ZNF536: variants seen among roughly 807,000 people sequenced by gnomAD.
The protein encoded by ZNF536 is zinc finger protein 536.
A neutral mutation model predicts 84.5 loss-of-function variants in ZNF536; 13 were observed. That is an observed-to-expected ratio of 0.15 (90% CI 0.10 to 0.24). The LOEUF (loss-of-function observed/expected upper bound fraction) is 0.24, where lower values mean the gene tolerates loss of function less well. Ranked by LOEUF, ZNF536 falls within the 10% of genes least tolerant of loss-of-function variation. The pLI is 1.00. For missense variants in ZNF536, 1,536 were observed against 1,747.5 expected (o/e 0.88, Z 2.16); for synonymous variants, 811 against 742.5 (o/e 1.09, Z -1.50).
intron 1 of ZNF536, among the ~76,000 whole-genome samples, chr19:30,615,822 GC>G (rs1269916418): frequency 1.3e-5 from 2 of 151,858 alleles, no homozygotes; most frequent in Admixed American, 1.3e-4. Context: ...TCCTTATTTA[GC>G]CCCTAAATTC....
rs142072036 is a variant in ZNF536, at chr19:30,512,079, T to C, written c.2171-22768T>C. Among the ~76,000 whole-genome samples, 749 of 152,356 alleles carry C rather than the reference T, an allele frequency of 4.9e-3. 5 individuals carry two copies. Among genetic ancestry groups the C allele is most frequent in the African/African-American group, 0.017 (703 of 41,586 alleles). On this transcript the variant is annotated intron_variant, in intron 2 of 4. Coordinates refer to ENST00000355537, the MANE Select transcript of ZNF536 (RefSeq NM_014717.3). ...GCTTTTATGGATATACAGACTTTTA[T>C]TTTAAACTTAAAATGATGAAAAGTT...
intron 3 of ZNF536, among the ~76,000 whole-genome samples, chr19:30,359,818 C>T (rs558752690): frequency 6.6e-6 from 1 of 152,258 alleles, no homozygotes; most frequent in South Asian, 2.1e-4. Context: ...AGGTCCTGAT[C>T]CTTCACCATG....
intron 1 of ZNF536, among the ~76,000 whole-genome samples, chr19:30,698,291 CA>C (rs765488693): frequency 0.13 from 15,731 of 121,174 alleles, 831 homozygotes; most frequent in Admixed American, 0.14. Flanking sequence ...GACTCAGTCT[CA>C]AAAAAAAAAA....
intron 1 of ZNF536, among the ~76,000 whole-genome samples, chr19:30,616,759 A>C (rs1012133154): frequency 6.6e-6 from 1 of 152,210 alleles, no homozygotes; most frequent in Non-Finnish European, 1.5e-5. Context: ...TGATAAAATT[A>C]ACCTGTGAAA....
chr19:30,570,358 C>T (rs549093955), intron 1 of ZNF536, among the ~76,000 whole-genome samples: 2 of 152,278 alleles, frequency 1.3e-5, no homozygotes, highest in East Asian at 3.9e-4. Flanking sequence ...GCACGTTCCT[C>T]CCAACTCAAA....
At chr19:30,464,355 C>T (rs1047345251) in intron 2 of ZNF536, among the ~76,000 whole-genome samples, 52 of 152,144 alleles carry the variant, frequency 3.4e-4, no homozygotes, top group African/African-American at 8.5e-4. Context: ...GGGGACCAGA[C>T]GGCGCTGGGC....
rs1156973773 is a variant in ZNF536, at chr19:30,445,286, A to G, written c.1724A>G (p.Lys575Arg). ...GTGTTAGTGGGAGCAGATGGCTCCA[A>G]GCAGAAAATGCCTGCTGATTTGGTT... ...EYVLVGADGS[K>R]QKMPADLVHS... Residue 575 changes from lysine (K) to arginine (R), a missense_variant, in exon 2 of 5, where the codon AAG (lysine) becomes AGG (arginine). Physicochemically the swap from Lys to Arg is conservative, Grantham distance 26. Transcript: ENST00000355537. The surrounding 1 kb of genome is among the most constrained non-coding windows in gnomAD (Gnocchi z 4.5). 3 of 1,614,206 alleles carry G rather than the reference A, an allele frequency of 1.9e-6. No homozygotes were observed. The highest frequency in any genetic ancestry group is 1.7e-5 in the Admixed American group (1 of 60,026).
rs373270633 is a variant in ZNF536 at position 30,445,869 on chromosome 19, G to A, written c.2170+137G>A. Reference sequence around the variant, plus strand: ...AGGACAGGGGTGGGTTGGACACTGGGCCATGCCTTTCTTTCCCCCCCTGAC... The same window carrying A: ...AGGACAGGGGTGGGTTGGACACTGGACCATGCCTTTCTTTCCCCCCCTGAC... On this transcript the variant is annotated intron_variant, in intron 2 of 4. Transcript: ENST00000355537. This position sits in a 1 kb window ranked among gnomAD's most constrained non-coding sequence, Gnocchi z 4.5. 1.6e-6 allele frequency: 2 copies of A among 1,226,822 alleles called. No homozygotes were observed. The highest frequency in any genetic ancestry group is 1.5e-5 in the African/African-American group (1 of 65,536). The allele number at this position is 1,226,822 out of a possible 1,614,324, so 76.0% of individuals were successfully genotyped here. A position where few individuals can be genotyped will look rare whatever the true frequency, so the allele number is the denominator to read the frequency against.
chr19:30,316,703 C>T (rs766705259), intron 2 of ZNF536, among the ~76,000 whole-genome samples: 1 of 152,166 alleles, frequency 6.6e-6, no homozygotes, highest in African/African-American at 2.4e-5. Context: ...CTTTGCTCTT[C>T]ATTCCATGGG....
At chr19:30,678,841 C>G (rs986752663) in intron 1 of ZNF536, among the ~76,000 whole-genome samples, 4 of 150,696 alleles carry the variant, frequency 2.7e-5, no homozygotes, top group Admixed American at 2.0e-4. Context: ...ATTAAGGAGG[C>G]TGAGACAGAA....
At chr19:30,667,320 C>G (rs2050363962) in intron 1 of ZNF536, among the ~76,000 whole-genome samples, 1 of 152,184 alleles carries the variant, frequency 6.6e-6, no homozygotes, top group Non-Finnish European at 1.5e-5. Context: ...ACAGGGGTGA[C>G]TTGCACACAG....
At chr19:30,509,418 T>C (rs1014029236) in intron 2 of ZNF536, among the ~76,000 whole-genome samples, 82 of 138,562 alleles carry the variant, frequency 5.9e-4, no homozygotes, top group African/African-American at 1.4e-3. Flanking sequence ...ATGTATAACA[T>C]ATTATAATAT....
intron 1 of ZNF536, among the ~76,000 whole-genome samples, chr19:30,572,737 G>A (rs2046595201): frequency 6.6e-6 from 1 of 152,182 alleles, no homozygotes; most frequent in Non-Finnish European, 1.5e-5. Context: ...GTGATATGAA[G>A]ATGCTGAGGC....
intron 1 of ZNF536, among the ~76,000 whole-genome samples, chr19:30,667,190 C>T (rs1303513109): frequency 6.6e-6 from 1 of 152,142 alleles, no homozygotes; most frequent in Non-Finnish European, 1.5e-5. Flanking sequence ...GTAGACCTCC[C>T]GAGCACCAGG....
chr19:30,565,919 A>C (rs2046331880), intron 1 of ZNF536, among the ~76,000 whole-genome samples: 1 of 152,118 alleles, frequency 6.6e-6, no homozygotes, highest in Admixed American at 6.5e-5. Context: ...AGCCCATCTC[A>C]CAGATGACAG....
rs755632176 is a variant in ZNF536 at position 30,445,100 on chromosome 19, C to A, written c.1538C>A (p.Ala513Glu). 4.3e-6 allele frequency: 7 copies of A among 1,613,668 alleles called. No homozygotes were observed. Among genetic ancestry groups the A allele is most frequent in the Non-Finnish European group, 5.9e-6 (7 of 1,180,042 alleles). ...IERLQAAAKAAEMDPVNSYQA... is the reference protein window; with the variant it reads ...IERLQAAAKAEEMDPVNSYQA... The stretch of plus-strand genomic sequence containing the variant: ...CGGCTGCAGGCGGCTGCCAAGGCTG[C>A]GGAGATGGACCCCGTGAACAGCTAC... Residue 513 changes from alanine to glutamate, a missense_variant, in exon 2 of 5, where the codon GCG becomes GAG. Transcript: ENST00000355537. This position sits in a 1 kb window ranked among gnomAD's most constrained non-coding sequence, Gnocchi z 4.5.
At chr19:30,584,490 A>T (rs1040909231) in intron 1 of ZNF536, among the ~76,000 whole-genome samples, 3 of 152,172 alleles carry the variant, frequency 2.0e-5, no homozygotes, top group Non-Finnish European at 2.9e-5. Flanking sequence ...ATTAAATAAA[A>T]GTGTGTGACT....
chr19:30,624,532 T>A (rs906013388), intron 1 of ZNF536, among the ~76,000 whole-genome samples: 3 of 152,204 alleles, frequency 2.0e-5, no homozygotes, highest in African/African-American at 7.2e-5. Context: ...ACCTATATAA[T>A]GGGCCATCTT....
chr19:30,600,042 GT>G (rs60592659), intron 1 of ZNF536, among the ~76,000 whole-genome samples: 68,445 of 148,028 alleles, frequency 0.46, 15,964 homozygotes, highest in East Asian at 0.62. Context: ...GCTCCTAGCT[GT>G]TTTTTTTTTT....
Sources: allele counts gnomAD v4.1 joint callset (sites outside exome capture counted in the v4.1 genomes callset), GRCh38; gene constraint gnomAD v4.1.1; non-coding constraint Gnocchi (gnomAD v3.1); transcripts MANE v1.5; gene names NCBI Gene and HGNC (gene_info 2026-07-23, HGNC 2026-07-21).